CTXND1: variants seen among roughly 807,000 people sequenced by gnomAD.
CTXND1 encodes cortexin domain-containing 1 protein.
At chr15:80,230,609 C>T (rs1247927824) in intron 1 of CTXND1, among the ~76,000 whole-genome samples, 3 of 151,362 alleles carry the variant, frequency 2.0e-5, no homozygotes, top group Non-Finnish European at 2.9e-5. Context: ...TTTTTTTAAC[C>T]TTACTAAGTT....
At chr15:80,224,593 G>A (rs139607070) in intron 1 of CTXND1, among the ~76,000 whole-genome samples, 1 of 152,278 alleles carries the variant, frequency 6.6e-6, no homozygotes, top group East Asian at 1.9e-4. Flanking sequence ...CAAAACATAA[G>A]CATGCTGGCA....
chr15:80,237,273 T>C (rs1396489144), intron 1 of CTXND1, among the ~76,000 whole-genome samples: 3 of 145,222 alleles, frequency 2.1e-5, no homozygotes, highest in African/African-American at 5.2e-5. Context: ...AGGTGGAGCT[T>C]GCAGTGAGCC....
At chr15:80,230,049 A>G (rs1893411954) in intron 1 of CTXND1, among the ~76,000 whole-genome samples, 1 of 152,220 alleles carries the variant, frequency 6.6e-6, no homozygotes, top group African/African-American at 2.4e-5. Flanking sequence ...ACTTGGAACC[A>G]ATGTTCTCTA....
At chr15:80,228,282 G>C (rs1028927324) in intron 1 of CTXND1, among the ~76,000 whole-genome samples, 5 of 152,148 alleles carry the variant, frequency 3.3e-5, no homozygotes, top group Non-Finnish European at 2.9e-5. Context: ...TCCTGTCAGC[G>C]TCAACACATT....
intron 1 of CTXND1, among the ~76,000 whole-genome samples, chr15:80,238,363 T>C (rs984524339): frequency 6.6e-6 from 1 of 152,224 alleles, no homozygotes; most frequent in Non-Finnish European, 1.5e-5. Flanking sequence ...TTGTGTCATA[T>C]GATTTTTATG....
intron 1 of CTXND1, among the ~76,000 whole-genome samples, chr15:80,245,481 C>T (rs2141466073): frequency 6.6e-6 from 1 of 152,306 alleles, no homozygotes; most frequent in South Asian, 2.1e-4. Context: ...ACAGCTGGCT[C>T]CTGATATGGC....
chr15:80,239,543 G>GGGAGAACAT (rs1308091687), intron 1 of CTXND1, among the ~76,000 whole-genome samples: 1 of 152,208 alleles, frequency 6.6e-6, no homozygotes, highest in East Asian at 1.9e-4. Context: ...CATGCTGGAT[G>GGGAGAACAT]CTTCCTGCCC....
At chr15:80,206,572 T>C (rs576383509) in intron 1 of CTXND1, among the ~76,000 whole-genome samples, 230 of 152,346 alleles carry the variant, frequency 1.5e-3, no homozygotes, top group African/African-American at 5.3e-3. Flanking sequence ...ATTCTTACTC[T>C]TATTTTCTCT....
intron 1 of CTXND1, among the ~76,000 whole-genome samples, chr15:80,246,552 G>A (rs919107304): frequency 2.0e-5 from 3 of 152,226 alleles, no homozygotes; most frequent in African/African-American, 4.8e-5. Context: ...TGTGAAACCC[G>A]TTGTGGGAGT....
chr15:80,242,292 G>A (rs1893577963), intron 1 of CTXND1, among the ~76,000 whole-genome samples: 1 of 152,230 alleles, frequency 6.6e-6, no homozygotes, highest in African/African-American at 2.4e-5. Context: ...CAAGTTAGAT[G>A]TCTTTGAAAT....
chr15:80,249,370 A>T (rs979325190), intron 1 of CTXND1, among the ~76,000 whole-genome samples: 5 of 152,170 alleles, frequency 3.3e-5, no homozygotes, highest in African/African-American at 9.7e-5. Context: ...GGGCACTAGG[A>T]GTCAGATCTT....
In CTXND1 at chr15:80,246,781, G is replaced by A. The variant is rs1235773563; in HGVS notation, c.-218+5226C>T. ...GTTTGTTTAAAAATGTCTGTTATCA[G>A]CTCTGTGCCAGGAAGTTGCGGTTCA... On this transcript the variant is annotated intron_variant, in intron 1 of 2. Transcript: ENST00000560778. Among the ~76,000 whole-genome samples, 6 of 152,310 alleles carry A rather than the reference G, an allele frequency of 3.9e-5. No individual in the cohort carries two copies. The East Asian group carries it at 1.2e-3, about 29-fold the overall frequency.
intron 1 of CTXND1, among the ~76,000 whole-genome samples, chr15:80,206,935 T>C (rs1893153036): frequency 6.6e-6 from 1 of 152,246 alleles, no homozygotes; most frequent in Admixed American, 6.5e-5. Context: ...TGTTTGGCTG[T>C]AGATTGTTGT....
intron 1 of CTXND1, among the ~76,000 whole-genome samples, chr15:80,207,345 G>A (rs1210855745): frequency 6.6e-6 from 1 of 151,038 alleles, no homozygotes; most frequent in Non-Finnish European, 1.5e-5. Flanking sequence ...CTAACTTCAA[G>A]TTCATTAATC....
chr15:80,237,777 G>A (rs951191733), intron 1 of CTXND1, among the ~76,000 whole-genome samples: 27 of 152,242 alleles, frequency 1.8e-4, no homozygotes, highest in Non-Finnish European at 3.5e-4. Flanking sequence ...GGAAGGCTGA[G>A]GCAGACAGAT....
In CTXND1 at chr15:80,198,552, C is replaced by T. The variant is rs1426850803; in HGVS notation, c.*3218G>A. ...GTTGAGACGCTCTGATCACAAAGGA[C>T]CATCTCCTCTATGCTTCAGCAGCAT... On this transcript the variant is annotated 3_prime_UTR_variant, in exon 3 of 3. Coordinates refer to ENST00000560778, the MANE Select transcript of CTXND1 (RefSeq NM_001352888.2). 6.6e-6 allele frequency: 1 copy of T among 152,226 alleles called. No homozygotes were observed. Among genetic ancestry groups the T allele is most frequent in the Non-Finnish European group, 1.5e-5 (1 of 68,038 alleles). 9.4% of individuals were successfully genotyped at this position (152,226 alleles called of 1,614,324 possible).
intron 1 of CTXND1, among the ~76,000 whole-genome samples, chr15:80,224,557 G>A (rs775715290): frequency 6.6e-6 from 1 of 152,012 alleles, no homozygotes; most frequent in African/African-American, 2.4e-5. Flanking sequence ...TTGCATTTCC[G>A]TATAAATTCA....
chr15:80,228,664 C>G (rs1406968647), intron 1 of CTXND1, among the ~76,000 whole-genome samples: 5 of 141,168 alleles, frequency 3.5e-5, no homozygotes, highest in African/African-American at 1.1e-4. Flanking sequence ...CAGTCTTGCT[C>G]TGTCACCCAG....
At position 80,197,409 on chromosome 15, in the gene CTXND1, C is replaced by T. The variant is rs1056569856; in HGVS notation, c.*4361G>A. The T allele has an allele frequency of 6.6e-6, 1 of 152,238 alleles. No homozygotes were observed. The highest frequency in any genetic ancestry group is 1.5e-5 in the Non-Finnish European group (1 of 68,058). 9.4% of individuals were successfully genotyped at this position (152,238 alleles called of 1,614,324 possible). ...TACTGTTCCCTGTTGTTTTCCATAC[C>T]CTTGCCCAACCTCTGTAAATATTCT... On this transcript the variant is annotated 3_prime_UTR_variant, in exon 3 of 3. Transcript: ENST00000560778.
Sources: gnomAD v4.1 joint callset for allele counts (sites outside exome capture counted in the v4.1 genomes callset) on GRCh38, gnomAD v4.1.1 for gene constraint, MANE v1.5 for transcripts, NCBI Gene and HGNC (gene_info 2026-07-23, HGNC 2026-07-21) for gene names.